Variants in CUBN observed in about 807,000 individuals in gnomAD.
The protein encoded by CUBN is cubilin.
CUBN carries 282 observed loss-of-function variants against 405.3 expected under a neutral mutation model. The observed-to-expected ratio is 0.70, with a 90% CI of 0.63 to 0.77. CUBN has a LOEUF of 0.77. Ranked by LOEUF, CUBN falls within the 30% of genes least tolerant of loss-of-function variation. The pLI is 0.00. For missense variants in CUBN, 4,514 were observed against 4,475.2 expected (o/e 1.01, Z -0.25); for synonymous variants, 1,684 against 1,617.0 (o/e 1.04, Z -0.99).
rs144057253 is a variant in CUBN, at chr10:17,103,200, G to A, written c.1455C>T (p.Phe485=). 45 of 1,613,592 alleles carry A rather than the reference G, an allele frequency of 2.8e-5. No homozygotes were observed. The highest frequency in any genetic ancestry group is 3.8e-5 in the Non-Finnish European group (45 of 1,179,718). ...GESLSGINGS[F]SYRSPDVGYV... The stretch of plus-strand genomic sequence containing the variant: ...AACCAACATCCGGGCTCCTGTAGCT[G>A]AAGCTTCCATTTATTCCTGAGAGGG... Residue 485 remains phenylalanine, a synonymous_variant, in exon 13 of 67, where the codon TTC becomes TTT. Transcript: ENST00000377833.
Position 17,129,726 on chromosome 10 carries a change from T to G in CUBN, c.40A>C (p.Thr14Pro). 6.2e-7 allele frequency: 1 copy of G among 1,614,082 alleles called. No individual in the cohort carries two copies. The highest frequency in any genetic ancestry group is 8.5e-7 in the Non-Finnish European group (1 of 1,179,972). ...MSLPFLWSLL[T>P]LLIFAEVNGE... The stretch of plus-strand genomic sequence containing the variant: ...TTTACTTCAGCAAATATTAATAAGG[T>G]AAGCAAACTCCAAAGAAAAGGTAAA... The change falls in exon 1 of 67, where the codon ACC becomes CCC. Residue 14 changes from threonine (T) to proline (P), a missense_variant. By Grantham distance (38) the Thr-to-Pro change is conservative. Coordinates refer to ENST00000377833, the MANE Select transcript of CUBN (RefSeq NM_001081.4).
chr10:17,066,606 C>A (rs1835618469), intron 21 of CUBN, among the ~76,000 whole-genome samples: 2 of 151,850 alleles, frequency 1.3e-5, no homozygotes, highest in South Asian at 4.2e-4. Context: ...TTCGTATATG[C>A]CCATGTATAT....
chr10:16,944,164 G>A (rs1228274336), intron 36 of CUBN, among the ~76,000 whole-genome samples: 1 of 152,152 alleles, frequency 6.6e-6, no homozygotes, highest in Non-Finnish European at 1.5e-5. Flanking sequence ...AACCGCAGGG[G>A]TGAAGTAACT....
chr10:16,953,516 G>A (rs1234084139), intron 32 of CUBN, among the ~76,000 whole-genome samples: 1 of 152,132 alleles, frequency 6.6e-6, no homozygotes, highest in African/African-American at 2.4e-5. Flanking sequence ...CTGACTATGG[G>A]ATAAGGGGTT....
chr10:16,956,417 C>T (rs979661855), intron 31 of CUBN, among the ~76,000 whole-genome samples: 1 of 151,450 alleles, frequency 6.6e-6, no homozygotes, highest in East Asian at 1.9e-4. Context: ...ATTTTTCTAA[C>T]CAATTCAAAT....
intron 27 of CUBN, among the ~76,000 whole-genome samples, chr10:17,023,307 T>C (rs1379058120): frequency 2.0e-5 from 3 of 150,664 alleles, no homozygotes; most frequent in African/African-American, 7.4e-5. Flanking sequence ...AAGCATCAAA[T>C]AGACATTTAT....
At chr10:17,122,284 G>A (rs1051260774) in intron 6 of CUBN, 1 of 225,404 alleles carries the variant, frequency 4.4e-6, no homozygotes, top group Non-Finnish European at 8.9e-6. Flanking sequence ...GTCAGAGAGA[G>A]TTACTTCATT....
intron 22 of CUBN, among the ~76,000 whole-genome samples, chr10:17,054,678 C>T (rs1369292210): frequency 6.6e-6 from 1 of 151,868 alleles, no homozygotes; most frequent in African/African-American, 2.4e-5. Flanking sequence ...TAGAAAGACA[C>T]CATTACAAAA....
intron 31 of CUBN, among the ~76,000 whole-genome samples, chr10:16,969,016 A>G (rs1020207135): frequency 6.6e-6 from 1 of 152,262 alleles, no homozygotes; most frequent in Admixed American, 6.5e-5. Flanking sequence ...CAATTTCAAT[A>G]GAAGTCAAAA....
intron 39 of CUBN, among the ~76,000 whole-genome samples, chr10:16,936,590 C>A (rs1321501687): frequency 6.6e-6 from 1 of 152,182 alleles, no homozygotes; most frequent in African/African-American, 2.4e-5. Context: ...CAATGAGATA[C>A]CGTGATTCTG....
intron 56 of CUBN, among the ~76,000 whole-genome samples, chr10:16,887,908 A>G (rs1189588700): frequency 6.6e-6 from 1 of 152,230 alleles, no homozygotes; most frequent in Non-Finnish European, 1.5e-5. Flanking sequence ...AAAAGAATAA[A>G]ATCTTGTCAT....
intron 64 of CUBN, among the ~76,000 whole-genome samples, chr10:16,832,866 C>T (rs1407311436): frequency 2.6e-5 from 4 of 152,174 alleles, no homozygotes; most frequent in Admixed American, 1.3e-4. Flanking sequence ...TTCACAAGAA[C>T]GGAATGCTGA....
At chr10:17,064,806 A>T (rs1164886307) in intron 22 of CUBN, among the ~76,000 whole-genome samples, 1 of 152,212 alleles carries the variant, frequency 6.6e-6, no homozygotes, top group African/African-American at 2.4e-5. Flanking sequence ...AGGGCATAGT[A>T]ATAATGAGAA....
chr10:17,066,293 G>A (rs1165634948), intron 21 of CUBN, among the ~76,000 whole-genome samples: 2 of 152,152 alleles, frequency 1.3e-5, no homozygotes. Flanking sequence ...GTTAAAAAGA[G>A]AGTTGTGATA....
At chr10:16,879,506 C>T (rs539216494) in intron 56 of CUBN, among the ~76,000 whole-genome samples, 75 of 152,308 alleles carry the variant, frequency 4.9e-4, no homozygotes, top group African/African-American at 1.2e-3. Context: ...TGCTATGGCA[C>T]GGTGGACTCT....
chr10:16,861,051 C>A (rs1839997535), intron 59 of CUBN, among the ~76,000 whole-genome samples: 1 of 152,092 alleles, frequency 6.6e-6, no homozygotes, highest in South Asian at 2.1e-4. Flanking sequence ...CTGCCTTATG[C>A]CCCAAAGCAT....
At position 16,918,941 on chromosome 10, in the gene CUBN, A is replaced by G. The variant is rs1841963580; in HGVS notation, c.6822-141T>C. 4 of 803,308 alleles carry G rather than the reference A, an allele frequency of 5.0e-6. No individual in the cohort carries two copies. The Admixed American group carries it at 8.9e-5, about 18-fold the overall frequency. The allele number at this position is 803,308 out of a possible 1,614,324, so 49.8% of individuals were successfully genotyped here. On this transcript the variant is annotated intron_variant, in intron 44 of 66. Coordinates refer to ENST00000377833, the MANE Select transcript of CUBN (RefSeq NM_001081.4). ...AACTATGATAGAATCAGCATAAGCC[A>G]TGTCACTTTAAAATGCTGTATGATA...
intron 6 of CUBN, chr10:17,122,303 C>T: frequency 4.4e-6 from 1 of 228,310 alleles, no homozygotes; most frequent in Non-Finnish European, 8.8e-6. Context: ...TTCATTGAAC[C>T]TCAGTTTAAT....
intron 28 of CUBN, among the ~76,000 whole-genome samples, chr10:17,005,622 G>A (rs1213593556): frequency 2.0e-5 from 3 of 152,158 alleles, no homozygotes; most frequent in African/African-American, 4.8e-5. Flanking sequence ...AAGCTGCCTG[G>A]AGGTCTCTTT....
Sources: gnomAD v4.1 joint callset for allele counts (sites outside exome capture counted in the v4.1 genomes callset) on GRCh38, gnomAD v4.1.1 for gene constraint, MANE v1.5 for transcripts, NCBI Gene and HGNC (gene_info 2026-07-23, HGNC 2026-07-21) for gene names.